Variants in PIK3R3 observed in about 807,000 individuals in gnomAD.
PIK3R3 encodes the protein phosphoinositide-3-kinase regulatory subunit 3.
In PIK3R3, 64 loss-of-function variants were observed where a neutral mutation model predicts 62.9. The ratio of observed to expected loss-of-function variants is 1.02; its 90% CI spans 0.83 to 1.25. The LOEUF is 1.25. PIK3R3 is among the 50% of genes most tolerant of loss of function. The pLI, the probability that PIK3R3 is intolerant of heterozygous loss-of-function variation, is 0.00. For missense variants in PIK3R3, 614 were observed against 561.6 expected (o/e 1.09, Z -0.94); for synonymous variants, 165 against 189.0 (o/e 0.87, Z 1.04).
intron 1 of PIK3R3, among the ~76,000 whole-genome samples, chr1:46,092,638 C>T (rs1479108327): frequency 1.3e-5 from 2 of 152,188 alleles, no homozygotes; most frequent in Non-Finnish European, 2.9e-5. Context: ...GCTGGGATTA[C>T]AGGAGTGAGC....
intron 2 of PIK3R3, among the ~76,000 whole-genome samples, chr1:46,080,102 C>G (rs1650440224): frequency 6.7e-6 from 1 of 149,728 alleles, no homozygotes; most frequent in Non-Finnish European, 1.5e-5. Flanking sequence ...CACTCTGTCG[C>G]CCAGGCTGGA....
chr1:46,141,561 G>C, the PIK3R3 span, among the ~76,000 whole-genome samples: 2 of 152,176 alleles, frequency 1.3e-5, no homozygotes, highest in Non-Finnish European at 2.9e-5. Flanking sequence ...GTGAGCCACC[G>C]CGTCCAGCCT....
chr1:46,040,374 T>C lies in PIK3R3; in HGVS notation c.*3299A>G, dbSNP rs1436364143. ...TCACAAGACATACAGTTGGCTTTCTTGTGAGTCAGATATTTTTACGTAAAC... is the reference window on the plus strand; with the variant it reads ...TCACAAGACATACAGTTGGCTTTCTCGTGAGTCAGATATTTTTACGTAAAC... On this transcript the variant is annotated 3_prime_UTR_variant, in exon 10 of 10. Coordinates refer to ENST00000262741, the MANE Select transcript of PIK3R3 (RefSeq NM_003629.4). 1 of 231,512 alleles carries C rather than the reference T, an allele frequency of 4.3e-6. No homozygotes were observed. The highest frequency in any genetic ancestry group is 5.6e-5 in the Admixed American group (1 of 17,714). 14.3% of individuals were successfully genotyped at this position (231,512 alleles called of 1,614,324 possible).
chr1:46,101,980 CTTTTTTTT>C (rs538688681), intron 1 of PIK3R3, among the ~76,000 whole-genome samples: 1 of 89,930 alleles, frequency 1.1e-5, no homozygotes, highest in East Asian at 3.5e-4. Context: ...GAATTGTATA[CTTTTTTTT>C]TTTTTTTTTT....
chr1:46,127,057 G>A (rs906665876), intron 1 of PIK3R3, among the ~76,000 whole-genome samples: 2 of 151,662 alleles, frequency 1.3e-5, no homozygotes, highest in South Asian at 2.1e-4. Flanking sequence ...ATTTTAGGCT[G>A]GGCACGGTGG....
chr1:46,103,398 C>G (rs1207881536), intron 1 of PIK3R3, among the ~76,000 whole-genome samples: 1 of 151,778 alleles, frequency 6.6e-6, no homozygotes. Context: ...GGTGAAACCC[C>G]GTCTTTACTA....
intron 7 of PIK3R3, among the ~76,000 whole-genome samples, chr1:46,054,012 G>A (rs1284915623): frequency 6.6e-6 from 1 of 152,018 alleles, no homozygotes; most frequent in Admixed American, 6.6e-5. Flanking sequence ...TTGACTTTTG[G>A]CCACAATAGC....
chr1:46,151,297 G>A, the PIK3R3 span, among the ~76,000 whole-genome samples: 1 of 152,128 alleles, frequency 6.6e-6, no homozygotes, highest in South Asian at 2.1e-4. Flanking sequence ...TGTGATGGGA[G>A]GTGGCTTGGG....
At chr1:46,109,542 G>C (rs1653542238) in intron 1 of PIK3R3, among the ~76,000 whole-genome samples, 1 of 151,960 alleles carries the variant, frequency 6.6e-6, no homozygotes, top group Non-Finnish European at 1.5e-5. Flanking sequence ...GAAGTACAGT[G>C]ACGCAATCTC....
chr1:46,049,823 A>C (rs895509242), intron 7 of PIK3R3, among the ~76,000 whole-genome samples: 6 of 152,188 alleles, frequency 3.9e-5, no homozygotes, highest in Non-Finnish European at 8.8e-5. Context: ...AATTAAAAAA[A>C]AAAATGAGGA....
intron 1 of PIK3R3, among the ~76,000 whole-genome samples, chr1:46,109,812 C>T (rs1248936163): frequency 3.3e-5 from 5 of 152,152 alleles, no homozygotes; most frequent in Admixed American, 2.6e-4. Flanking sequence ...CCCTTCTCTG[C>T]TTCTTTTGAG....
At position 46,085,367 on chromosome 1, in the gene PIK3R3, T is replaced by C. The variant is rs1650964613; in HGVS notation, c.107-4617A>G. Among the ~76,000 whole-genome samples the C allele has an allele frequency of 2.0e-5, 3 of 152,216 alleles. No homozygotes were observed. In the South Asian group the frequency reaches 6.2e-4, roughly 32 times the overall value. ...TAGATAGACACAGTCTCCATACATA[T>C]GGACTTTATAATCCAAAAGGATAAA... On this transcript the variant is annotated intron_variant, in intron 1 of 9. Transcript: ENST00000262741.
At chr1:46,166,852 C>T in the PIK3R3 span, among the ~76,000 whole-genome samples, 1 of 152,238 alleles carries the variant, frequency 6.6e-6, no homozygotes, top group Non-Finnish European at 1.5e-5. Context: ...CAACCTTAAA[C>T]ATGCTTGCCA....
intron 1 of PIK3R3, among the ~76,000 whole-genome samples, chr1:46,122,215 T>C (rs785495): frequency 0.45 from 67,895 of 152,030 alleles, 15,337 homozygotes; most frequent in East Asian, 0.62. Context: ...ATGTGGAAAT[T>C]GATCTTTAAT....
At chr1:46,085,681 T>C (rs1179985544) in intron 1 of PIK3R3, among the ~76,000 whole-genome samples, 1 of 152,206 alleles carries the variant, frequency 6.6e-6, no homozygotes, top group Non-Finnish European at 1.5e-5. Context: ...AAAAGGACTA[T>C]CTTGAGGGAA....
At chr1:46,102,291 G>A (rs941074550) in intron 1 of PIK3R3, among the ~76,000 whole-genome samples, 8 of 149,964 alleles carry the variant, frequency 5.3e-5, no homozygotes, top group African/African-American at 1.7e-4. Flanking sequence ...GGCCTGAATT[G>A]TATACTTAAA....
the PIK3R3 span, among the ~76,000 whole-genome samples, chr1:46,165,751 CTTTTTTTTTTTTTTTTTTTTTTTT>C: frequency 1.0e-4 from 4 of 39,554 alleles, no homozygotes; most frequent in East Asian, 1.0e-3. Context: ...CTGCTTTGTC[CTTTTTTTTTTTTTTTTTTTTTTTT>C]TTTTTTTTTT....
chr1:46,149,864 T>C, the PIK3R3 span, among the ~76,000 whole-genome samples: 1 of 152,182 alleles, frequency 6.6e-6, no homozygotes, highest in Non-Finnish European at 1.5e-5. Context: ...AAAGGAAGAT[T>C]TCCAGGAAAT....
In PIK3R3 at chr1:46,040,491, C is replaced by T. The variant is rs527583440; in HGVS notation, c.*3182G>A. The stretch of plus-strand genomic sequence containing the variant: ...TCACATGCTGGAATTTGTAAGGAAA[C>T]GAGGTTGTTTGCCACAAGTGGCTGG... On this transcript the variant is annotated 3_prime_UTR_variant, in exon 10 of 10. Transcript: ENST00000262741. 6.5e-5 allele frequency: 15 copies of T among 229,398 alleles called. No individual in the cohort carries two copies. In the South Asian group the frequency reaches 2.4e-3, roughly 36 times the overall value. The allele number at this position is 229,398 out of a possible 1,614,324, so 14.2% of individuals were successfully genotyped here.
Sources: gnomAD v4.1 joint callset for allele counts (sites outside exome capture counted in the v4.1 genomes callset) on GRCh38, gnomAD v4.1.1 for gene constraint, MANE v1.5 for transcripts, NCBI Gene and HGNC (gene_info 2026-07-23, HGNC 2026-07-21) for gene names.